The following BRSK1 variants were observed in gnomAD, a reference collection of about 807,000 sequenced individuals.
BRSK1 encodes the protein serine/threonine-protein kinase BRSK1.
BRSK1 carries 17 observed loss-of-function variants against 86.2 expected under a neutral mutation model. That is an observed-to-expected ratio of 0.20 (90% confidence interval 0.14 to 0.30). The LOEUF (loss-of-function observed/expected upper bound fraction) is 0.30. Ranked by LOEUF, BRSK1 falls within the 10% of genes least tolerant of loss-of-function variation. The probability of loss-of-function intolerance (pLI) is 1.00; values close to 1 mark genes in which losing one functional copy is unlikely to be tolerated. For missense variants in BRSK1, 719 were observed against 1,071.9 expected (o/e 0.67, Z 4.60); for synonymous variants, 464 against 440.1 (o/e 1.05, Z -0.68).
chr19:55,298,467 T>C (rs2088523336), intron 7 of BRSK1, among the ~76,000 whole-genome samples: 1 of 152,138 alleles, frequency 6.6e-6, no homozygotes, highest in Non-Finnish European at 1.5e-5. Context: ...CCACCGCACC[T>C]GGCCTAGTAG....
Position 55,303,764 on chromosome 19 carries a change from C to T in BRSK1, c.1224C>T (p.Ala408=), listed in dbSNP as rs375730605. ...TGGAAGTCCTGAGCATCACCGATGC[C>T]GGGGGTGGTGGCTCCCCTGTACCCA... The part of the protein sequence containing the change: ...KSMEVLSITD[A]GGGGSPVPTR... Residue 408 remains alanine, a synonymous_variant, in exon 12 of 19, where the codon GCC becomes GCT. Coordinates refer to ENST00000309383, the MANE Select transcript of BRSK1 (RefSeq NM_032430.2). This position sits in a 1 kb window ranked among gnomAD's most constrained non-coding sequence, Gnocchi z 5.1. The T allele has an allele frequency of 1.8e-5, 29 of 1,612,914 alleles. No homozygotes were observed. Among genetic ancestry groups the T allele is most frequent in the South Asian group, 3.3e-5 (3 of 90,908 alleles).
intron 18 of BRSK1, among the ~76,000 whole-genome samples, chr19:55,309,868 CAG>C (rs761848165): frequency 2.0e-5 from 3 of 152,214 alleles, no homozygotes; most frequent in Non-Finnish European, 2.9e-5. Context: ...CACAGTGAAA[CAG>C]GGTACTGGGC....
chr19:55,295,552 A>C (rs1164362510), intron 7 of BRSK1, among the ~76,000 whole-genome samples: 3 of 152,230 alleles, frequency 2.0e-5, no homozygotes, highest in Admixed American at 6.5e-5. Flanking sequence ...AAAAGATAAA[A>C]GAACTATGGG....
Position 55,303,123 on chromosome 19 carries a change from A to C in BRSK1, c.1029-188A>C, listed in dbSNP as rs755146799. ...TTCTTGCCTGGATGTTAGGTGTTAC[A>C]GTGTTATTATAATTGAGTGAAACAC... On this transcript the variant is annotated intron_variant, in intron 10 of 18. Coordinates refer to ENST00000309383, the MANE Select transcript of BRSK1 (RefSeq NM_032430.2). This position sits in a 1 kb window ranked among gnomAD's most constrained non-coding sequence, Gnocchi z 5.1. 20 of 634,464 alleles carry C rather than the reference A, an allele frequency of 3.2e-5. No individual in the cohort carries two copies. The highest frequency in any genetic ancestry group is 5.2e-5 in the Non-Finnish European group (19 of 367,594). The allele number at this position is 634,464 out of a possible 1,614,324, so 39.3% of individuals were successfully genotyped here.
chr19:55,308,337 T>G (rs1018911264), intron 17 of BRSK1, among the ~76,000 whole-genome samples: 2 of 152,158 alleles, frequency 1.3e-5, no homozygotes, highest in Non-Finnish European at 2.9e-5. Flanking sequence ...AACTTATTTT[T>G]CTTACATTTC....
In BRSK1 at chr19:55,284,522, A is replaced by AC; in HGVS notation, c.81dup (p.Ala28ArgfsTer22). 1.3e-6 allele frequency: 1 copy of AC among 758,824 alleles called. No individual in the cohort carries two copies. The highest frequency in any genetic ancestry group is 1.7e-6 in the Non-Finnish European group (1 of 573,608). The allele number at this position is 758,824 out of a possible 1,614,324, so 47.0% of individuals were successfully genotyped here. Reference sequence around the variant, plus strand: ...CACCCCCACCCCCACCCACCCCAGCACGCCCAATATGTGGGCCCCTATCGG... The same window carrying AC: ...CACCCCCACCCCCACCCACCCCAGCACCGCCCAATATGTGGGCCCCTATCGG... On this transcript the variant is annotated frameshift_variant, in exon 1 of 19. Transcript: ENST00000309383. LOFTEE classifies it high-confidence loss of function.
chr19:55,290,130 G>A (rs1157654346), intron 4 of BRSK1, among the ~76,000 whole-genome samples: 2 of 152,004 alleles, frequency 1.3e-5, no homozygotes, highest in Non-Finnish European at 2.9e-5. Flanking sequence ...GAGTAGCTGG[G>A]ATTACAGGTG....
chr19:55,294,193 C>G lies in BRSK1; in HGVS notation c.576-21C>G. The G allele has an allele frequency of 6.2e-7, 1 of 1,612,366 alleles. No homozygotes were observed. The highest frequency in any genetic ancestry group is 8.5e-7 in the Non-Finnish European group (1 of 1,178,714). On this transcript the variant is annotated intron_variant, in intron 5 of 18. Coordinates refer to ENST00000309383, the MANE Select transcript of BRSK1 (RefSeq NM_032430.2). The surrounding 1 kb of genome is among the most constrained non-coding windows in gnomAD (Gnocchi z 4.9). ...GGGGTTTAGAAGCTGGCTGGAGGCTCACATCAGCTCTCTCCCTCAGGTCCC... is the reference window on the plus strand; with the variant it reads ...GGGGTTTAGAAGCTGGCTGGAGGCTGACATCAGCTCTCTCCCTCAGGTCCC...
rs1046521590 is a variant in BRSK1 at position 55,303,769 on chromosome 19, G to A, written c.1229G>A (p.Gly410Asp). The A allele has an allele frequency of 6.2e-7, 1 of 1,612,784 alleles. No individual in the cohort carries two copies. The highest frequency in any genetic ancestry group is 1.7e-5 in the Admixed American group (1 of 59,770). ...GTCCTGAGCATCACCGATGCCGGGG[G>A]TGGTGGCTCCCCTGTACCCACCCGA... ...MEVLSITDAGGGGSPVPTRRA... is the reference protein window; with the variant it reads ...MEVLSITDAGDGGSPVPTRRA... Residue 410 changes from glycine (G) to aspartate (D), a missense_variant, in exon 12 of 19, where the codon GGT becomes GAT. Gly to Asp is a moderately conservative substitution (Grantham distance 94, BLOSUM62 -1). Transcript: ENST00000309383. The surrounding 1 kb of genome is among the most constrained non-coding windows in gnomAD (Gnocchi z 5.1).
intron 18 of BRSK1, among the ~76,000 whole-genome samples, chr19:55,311,337 T>C (rs2088789280): frequency 6.6e-6 from 1 of 152,022 alleles, no homozygotes; most frequent in Non-Finnish European, 1.5e-5. Context: ...CCATGGAAAT[T>C]GCTGGAGACC....
intron 18 of BRSK1, 37 bp downstream of exon 18, chr19:55,308,765 T>C: frequency 4.9e-6 from 1 of 203,770 alleles, no homozygotes; most frequent in Non-Finnish European, 9.0e-6. Context: ...GGGGCGTGGG[T>C]GGCGGGGGCC....
chr19:55,284,204 G>T lies in BRSK1; in HGVS notation c.-239G>T. On this transcript the variant is annotated 5_prime_UTR_variant, in exon 1 of 19. Coordinates refer to ENST00000309383, the MANE Select transcript of BRSK1 (RefSeq NM_032430.2). ...AAACGGGCTGGGGAGGGGGGGCCCC[G>T]CAGCCCCCCTGGGCCATGCTGACTC... The T allele has an allele frequency of 1.3e-6, 1 of 754,704 alleles. No homozygotes were observed. The allele number at this position is 754,704 out of a possible 1,614,324, so 46.8% of individuals were successfully genotyped here. A position where few individuals can be genotyped will look rare whatever the true frequency, so the allele number is the denominator to read the frequency against.
rs200460715 is a variant in BRSK1, at chr19:55,294,326, C to T, written c.610-3C>T. 7.4e-6 allele frequency: 12 copies of T among 1,614,102 alleles called. No individual in the cohort carries two copies. Among genetic ancestry groups the T allele is most frequent in the Middle Eastern group, 1.6e-4 (1 of 6,062 alleles). Reference sequence around the variant, plus strand: ...TGAAGTCACAACTGGCCTTCCCTTCCAGGGGGAAAAATATGATGGCCGCCG... The same window carrying T: ...TGAAGTCACAACTGGCCTTCCCTTCTAGGGGGAAAAATATGATGGCCGCCG... On this transcript the variant is annotated splice_polypyrimidine_tract_variant and splice_region_variant and intron_variant, in intron 6 of 18. Coordinates refer to ENST00000309383, the MANE Select transcript of BRSK1 (RefSeq NM_032430.2). This position sits in a 1 kb window ranked among gnomAD's most constrained non-coding sequence, Gnocchi z 4.9.
At chr19:55,300,827 G>A (rs917438333) in intron 7 of BRSK1, among the ~76,000 whole-genome samples, 2 of 152,122 alleles carry the variant, frequency 1.3e-5, no homozygotes, top group African/African-American at 4.8e-5. Context: ...GGCGACAAGA[G>A]CGAAACTCCA....
rs571035565 is a variant in BRSK1 at position 55,306,575 on chromosome 19, C to G, written c.2089+125C>G. On this transcript the variant is annotated intron_variant, in intron 17 of 18. Transcript: ENST00000309383. The surrounding 1 kb of genome is among the most constrained non-coding windows in gnomAD (Gnocchi z 4.7). ...ATGGTGTTCAGCTGGTGCCGACTCT[C>G]TGTGCTCCTCCTGCCCACACAGACC... 6 of 1,085,940 alleles carry G rather than the reference C, an allele frequency of 5.5e-6. No individual in the cohort carries two copies. The highest frequency in any genetic ancestry group is 2.1e-5 in the Admixed American group (1 of 48,418). 67.3% of individuals were successfully genotyped at this position (1,085,940 alleles called of 1,614,324 possible).
rs1164249777 is a variant in BRSK1, at chr19:55,294,584, C to T, written c.678+187C>T. Among the ~76,000 whole-genome samples the T allele has an allele frequency of 6.6e-6, 1 of 152,124 alleles. No individual in the cohort carries two copies. The highest frequency in any genetic ancestry group is 1.5e-5 in the Non-Finnish European group (1 of 68,022). On this transcript the variant is annotated intron_variant, in intron 7 of 18. Transcript: ENST00000309383. The surrounding 1 kb of genome is among the most constrained non-coding windows in gnomAD (Gnocchi z 4.9). The stretch of plus-strand genomic sequence containing the variant: ...TGGTGTGATCTCAGCTCACTGCAAC[C>T]TCTGCCTCCCAGCTTCAAGCAATTC...
Position 55,284,198 on chromosome 19 carries a change from G to C in BRSK1, c.-245G>C, listed in dbSNP as rs1271301908. ...GGCCAGAAACGGGCTGGGGAGGGGG[G>C]GCCCCGCAGCCCCCCTGGGCCATGC... On this transcript the variant is annotated 5_prime_UTR_variant, in exon 1 of 19. Transcript: ENST00000309383. 1.3e-6 allele frequency: 1 copy of C among 790,890 alleles called. No individual in the cohort carries two copies. Among genetic ancestry groups the C allele is most frequent in the Non-Finnish European group, 1.7e-6 (1 of 587,984 alleles). 49.0% of individuals were successfully genotyped at this position (790,890 alleles called of 1,614,324 possible).
chr19:55,286,244 G>C (rs1159079321), intron 1 of BRSK1, among the ~76,000 whole-genome samples: 1 of 149,522 alleles, frequency 6.7e-6, no homozygotes, highest in African/African-American at 2.5e-5. Flanking sequence ...TGGACTCCTG[G>C]GTCTGAGGGA....
Position 55,302,551 on chromosome 19 carries a change from G to A in BRSK1, c.858-146G>A. ...CTCCTGGGTCTGAGATGGGGGGCGA[G>A]GTCTGGGGCGTCTGGATTCCTGGGT... On this transcript the variant is annotated intron_variant, in intron 9 of 18. Coordinates refer to ENST00000309383, the MANE Select transcript of BRSK1 (RefSeq NM_032430.2). The surrounding 1 kb of genome is among the most constrained non-coding windows in gnomAD (Gnocchi z 6.3). The A allele has an allele frequency of 9.3e-7, 1 of 1,078,024 alleles. No homozygotes were observed. The highest frequency in any genetic ancestry group is 1.3e-6 in the Non-Finnish European group (1 of 743,960). 66.8% of individuals were successfully genotyped at this position (1,078,024 alleles called of 1,614,324 possible).
Sources: allele counts gnomAD v4.1 joint callset (sites outside exome capture counted in the v4.1 genomes callset), GRCh38; gene constraint gnomAD v4.1.1; non-coding constraint Gnocchi (gnomAD v3.1); transcripts MANE v1.5; gene names NCBI Gene and HGNC (gene_info 2026-07-23, HGNC 2026-07-21).